Variants in DST observed in about 807,000 individuals in gnomAD.
DST encodes bullous pemphigoid antigen.
In DST, 253 loss-of-function variants were observed where a neutral mutation model predicts 875.2. That is an observed-to-expected ratio of 0.29 (90% CI 0.26 to 0.32). The LOEUF (loss-of-function observed/expected upper bound fraction) is 0.32, where lower values mean the gene tolerates loss of function less well. Among genes scored for constraint, DST ranks in the 10% least tolerant of loss-of-function variants. The pLI is 1.00. For missense variants in DST, 8,287 were observed against 9,111.6 expected (o/e 0.91, Z 3.68); for synonymous variants, 3,124 against 3,197.1 (o/e 0.98, Z 0.77).
intron 4 of DST, among the ~76,000 whole-genome samples, chr6:56,840,745 T>C (rs1386964309): frequency 6.6e-6 from 1 of 152,218 alleles, no homozygotes; most frequent in African/African-American, 2.4e-5. Context: ...CTCAAGGCTG[T>C]CTGAAGACTA....
intron 4 of DST, among the ~76,000 whole-genome samples, chr6:56,738,378 C>T (rs973946204): frequency 1.3e-5 from 2 of 152,012 alleles, no homozygotes; most frequent in African/African-American, 2.4e-5. Context: ...TGGAGTGCAA[C>T]GGCATGATCT....
Position 56,501,084 on chromosome 6 carries a change from T to C in DST, c.19892A>G (p.His6631Arg), listed in dbSNP as rs2096106870. 1 of 1,612,388 alleles carries C rather than the reference T, an allele frequency of 6.2e-7. No homozygotes were observed. ...CATGCATTAACAGCTACGTACATGA[T>C]GCTTGGCAAGTTCAATTTCAATGGC... ...PKAIEIELAK[H>R]HVLQNDVLAH... Residue 6631 changes from histidine (H) to arginine (R), a missense_variant, in exon 80 of 104, where the codon CAT becomes CGT. His to Arg is a conservative substitution (Grantham distance 29, BLOSUM62 0). Transcript: ENST00000680361.
intron 62 of DST, among the ~76,000 whole-genome samples, chr6:56,536,474 T>C (rs2097001447): frequency 6.6e-6 from 1 of 152,190 alleles, no homozygotes; most frequent in South Asian, 2.1e-4. Flanking sequence ...TGGAACTAAG[T>C]AGTGACCTGT....
intron 3 of DST, among the ~76,000 whole-genome samples, chr6:56,891,664 G>A (rs1025365088): frequency 4.0e-5 from 6 of 151,726 alleles, no homozygotes; most frequent in African/African-American, 1.2e-4. Context: ...AGCCCAAGAG[G>A]TTGAGGCTGC....
At chr6:56,571,856 T>C (rs2097786424) in intron 53 of DST, among the ~76,000 whole-genome samples, 1 of 152,204 alleles carries the variant, frequency 6.6e-6, no homozygotes, top group African/African-American at 2.4e-5. Flanking sequence ...CGCCATCGTT[T>C]TTCTTATGCA....
chr6:56,714,644 A>T lies in DST; in HGVS notation c.688-10275T>A, dbSNP rs1252599975. On this transcript the variant is annotated intron_variant, in intron 5 of 103. Transcript: ENST00000680361. The surrounding 1 kb of genome is among the most constrained non-coding windows in gnomAD (Gnocchi z 4.5). ...CCACACTTCTGAAAGTGAACCACAT[A>T]ACAGCTATGGGTTTACTGGAAGATG... is the stretch of plus-strand genomic sequence containing the variant. 6.6e-6 allele frequency among the ~76,000 whole-genome samples: 1 copy of T among 152,176 alleles called. No individual in the cohort carries two copies. Among genetic ancestry groups the T allele is most frequent in the African/African-American group, 2.4e-5 (1 of 41,440 alleles).
At chr6:56,846,961 C>T (rs2099807798) in intron 4 of DST, among the ~76,000 whole-genome samples, 2 of 145,502 alleles carry the variant, frequency 1.4e-5, no homozygotes, top group South Asian at 4.4e-4. Context: ...TGAGATCACA[C>T]CACTGCAATC....
intron 2 of DST, among the ~76,000 whole-genome samples, chr6:56,938,939 G>A (rs2127780791): frequency 6.6e-6 from 1 of 152,380 alleles, no homozygotes; most frequent in East Asian, 1.9e-4. Context: ...ACTGGGCACA[G>A]CCCAGATCAC....
intron 2 of DST, among the ~76,000 whole-genome samples, chr6:56,952,773 T>C (rs1823009264): frequency 6.6e-6 from 1 of 152,184 alleles, no homozygotes; most frequent in Non-Finnish European, 1.5e-5. Flanking sequence ...AGCTAGTTAA[T>C]GTAAAGCCAG....
intron 3 of DST, among the ~76,000 whole-genome samples, chr6:56,859,758 A>AT (rs1384832429): frequency 6.6e-6 from 1 of 152,224 alleles, no homozygotes; most frequent in African/African-American, 2.4e-5. Flanking sequence ...AAAATCGCCA[A>AT]TTTATAATTA....
intron 4 of DST, among the ~76,000 whole-genome samples, chr6:56,825,314 A>T (rs1473836676): frequency 2.0e-5 from 3 of 147,818 alleles, no homozygotes; most frequent in Admixed American, 6.7e-5. Context: ...GCTCGTTAAG[A>T]GTCATCACCA....
chr6:56,475,977 T>C lies in DST; in HGVS notation c.21864+172A>G, dbSNP rs564943377. 2.6e-5 allele frequency among the ~76,000 whole-genome samples: 4 copies of C among 152,256 alleles called. No homozygotes were observed. The South Asian group carries it at 8.3e-4, about 32-fold the overall frequency. Reference sequence around the variant, plus strand: ...TTGCAAAGGTCACAGAGGGTTCCTGTAAAGAGAGGTTTTAGGGCAGTTGCA... The same window carrying C: ...TTGCAAAGGTCACAGAGGGTTCCTGCAAAGAGAGGTTTTAGGGCAGTTGCA... On this transcript the variant is annotated intron_variant, in intron 92 of 103. Coordinates refer to ENST00000680361, the MANE Select transcript of DST (RefSeq NM_001374736.1).
intron 62 of DST, 27 bp downstream of exon 62, chr6:56,536,752 T>C (rs745907117): frequency 6.7e-7 from 1 of 1,496,316 alleles, no homozygotes. Flanking sequence ...ATCAGCAAAA[T>C]AGCAATGAAG....
chr6:56,458,888 T>C lies in DST; in HGVS notation c.*117A>G. ...AGACAAATACACAAATAAGGCCATCTGCAGAATTTTAAACTCGCCTCTTGC... is the reference window on the plus strand; with the variant it reads ...AGACAAATACACAAATAAGGCCATCCGCAGAATTTTAAACTCGCCTCTTGC... On this transcript the variant is annotated 3_prime_UTR_variant, in exon 104 of 104. Coordinates refer to ENST00000680361, the MANE Select transcript of DST (RefSeq NM_001374736.1). 1 of 1,139,364 alleles carries C rather than the reference T, an allele frequency of 8.8e-7. No individual in the cohort carries two copies. The highest frequency in any genetic ancestry group is 1.2e-6 in the Non-Finnish European group (1 of 827,858). The allele number at this position is 1,139,364 out of a possible 1,614,324, so 70.6% of individuals were successfully genotyped here. A position where few individuals can be genotyped will look rare whatever the true frequency, so the allele number is the denominator to read the frequency against.
chr6:56,636,590 C>T lies in DST; in HGVS notation c.3027G>A (p.Glu1009=). The change falls in exon 23 of 104, where the codon GAG becomes GAA. Residue 1009 remains glutamate (E), a synonymous_variant. Coordinates refer to ENST00000680361, the MANE Select transcript of DST (RefSeq NM_001374736.1). ...SWILQLCQCV[E]QHIKENTAYF... is the part of the protein sequence containing the mutation. Reference sequence around the variant, plus strand: ...ACGCTGTGTTCTCCTTTATGTGCTGCTCCACACACTGGCAGAGCTGTAAGA... The same window carrying T: ...ACGCTGTGTTCTCCTTTATGTGCTGTTCCACACACTGGCAGAGCTGTAAGA... 6.2e-7 allele frequency: 1 copy of T among 1,613,464 alleles called. No homozygotes were observed. The highest frequency in any genetic ancestry group is 8.5e-7 in the Non-Finnish European group (1 of 1,179,912).
Position 56,639,273 on chromosome 6 carries a change from G to T in DST, c.2950C>A (p.Arg984=). The T allele has an allele frequency of 6.2e-7, 1 of 1,613,024 alleles. No individual in the cohort carries two copies. The highest frequency in any genetic ancestry group is 8.5e-7 in the Non-Finnish European group (1 of 1,179,200). Residue 984 remains arginine (R), a synonymous_variant, in exon 22 of 104, where the codon CGG becomes AGG. Transcript: ENST00000680361. ...TCCAGCTTTACCTCAATAGTTAACC[G>T]GGCTGGATGATTTTCTAGAAGTAGC... The part of the protein sequence containing the change: ...EQLLLENHPA[R]LTIEAYRAAM...
chr6:56,648,674 AT>A lies in DST; in HGVS notation c.1449del (p.Lys483AsnfsTer9). ...TTCACCATATTCTGGTATTCAATCC[AT>A]TTGACTTCAACATCCTAGAACAATC... ...EGIGANDVEV[K>X]WIEYQNMVNY... On this transcript the variant is annotated frameshift_variant, in exon 13 of 104. Coordinates refer to ENST00000680361, the MANE Select transcript of DST (RefSeq NM_001374736.1). LOFTEE classifies it high-confidence loss of function. 1.3e-6 allele frequency: 2 copies of A among 1,572,974 alleles called. No homozygotes were observed. The highest frequency in any genetic ancestry group is 1.2e-5 in the South Asian group (1 of 85,670).
chr6:56,561,482 G>C lies in DST; in HGVS notation c.14136C>G (p.Leu4712=), dbSNP rs1346211322. The C allele has an allele frequency of 1.2e-6, 2 of 1,613,718 alleles. No homozygotes were observed. The highest frequency in any genetic ancestry group is 2.7e-5 in the African/African-American group (2 of 74,918). Residue 4712 remains leucine, a synonymous_variant, in exon 57 of 104, where the codon CTC becomes CTG. Transcript: ENST00000680361. ...TGTTCAGTTCCGCTATTTTGTCCTT[G>C]AGTAAGAGGCCAAGATCTTCATAAC... The part of the protein sequence containing the change: ...SHGYEDLGLL[L]KDKIAELNTK...
chr6:56,466,643 G>A (rs9475702), intron 98 of DST: 5,910 of 152,256 alleles, frequency 0.039, 373 homozygotes, highest in African/African-American at 0.13. Flanking sequence ...CAGTAAAACC[G>A]TTTTCCACTG....
Sources: gnomAD v4.1 joint callset for allele counts (sites outside exome capture counted in the v4.1 genomes callset) on GRCh38, gnomAD v4.1.1 for gene constraint, Gnocchi (gnomAD v3.1) non-coding constraint, MANE v1.5 for transcripts, NCBI Gene and HGNC (gene_info 2026-07-23, HGNC 2026-07-21) for gene names.